SPATA6L: variants seen among roughly 807,000 people sequenced by gnomAD.
The protein encoded by SPATA6L is spermatogenesis associated 6 like, also known as spermatogenesis associated 6-like protein.
A neutral mutation model predicts 49.2 loss-of-function variants in SPATA6L; 68 were observed. The ratio of observed to expected loss-of-function variants is 1.38; its 90% CI spans 1.14 to 1.69. The LOEUF (loss-of-function observed/expected upper bound fraction) is 1.69. Among genes scored for constraint, SPATA6L ranks in the 40% most tolerant of loss-of-function variants. The probability of loss-of-function intolerance (pLI) is 0.00; values close to 1 mark genes in which losing one functional copy is unlikely to be tolerated. For synonymous variants in SPATA6L, 198 were observed against 165.7 expected, an observed-to-expected ratio of 1.19 and a Z score of -1.50; for missense variants, 668 against 464.3, an observed-to-expected ratio of 1.44 and a Z score of -4.03.
intron 9 of SPATA6L, 82 bp from the exon 10 acceptor site, chr9:4,605,522 T>C (rs1824566371): frequency 6.8e-6 from 6 of 887,774 alleles, no homozygotes; most frequent in Non-Finnish European, 1.1e-5. Context: ...TGGATTGATA[T>C]TTAAAACTTA....
At chr9:4,640,613 G>C (rs1236577668) in intron 3 of SPATA6L, among the ~76,000 whole-genome samples, 1 of 152,006 alleles carries the variant, frequency 6.6e-6, no homozygotes, top group East Asian at 1.9e-4. Context: ...CAGATCATGA[G>C]GGCTCACTGC....
chr9:4,644,150 C>T lies in SPATA6L; in HGVS notation c.227-8751G>A, dbSNP rs1442333147. ...TCACTTGCATCCAGGAGTTTGAGAC[C>T]AGCCTAGGCAACATAGTAAGATGCC... On this transcript the variant is annotated intron_variant, in intron 3 of 11. Coordinates refer to ENST00000682582, the MANE Select transcript of SPATA6L (RefSeq NM_001353486.2). Among the ~76,000 whole-genome samples, 6 of 123,208 alleles carry T rather than the reference C, an allele frequency of 4.9e-5. No homozygotes were observed. In the Admixed American group the frequency reaches 5.5e-4, roughly 11 times the overall value. 80.8% of individuals were successfully genotyped at this position (123,208 alleles called of 152,430 possible).
chr9:4,601,043 T>TG (rs1823113817), intron 11 of SPATA6L, among the ~76,000 whole-genome samples: 2 of 152,242 alleles, frequency 1.3e-5, no homozygotes, highest in South Asian at 4.1e-4. Context: ...ATCAGGATGA[T>TG]GACAGAGTAT....
intron 3 of SPATA6L, among the ~76,000 whole-genome samples, chr9:4,638,210 A>G (rs182482380): frequency 1.8e-3 from 267 of 152,180 alleles, no homozygotes; most frequent in African/African-American, 6.0e-3. Flanking sequence ...TGTAATTATT[A>G]TTATTATTAT....
chr9:4,606,280 C>G lies in SPATA6L; in HGVS notation c.996-840G>C, dbSNP rs1824978894. Among the ~76,000 whole-genome samples, 2 of 142,280 alleles carry G rather than the reference C, an allele frequency of 1.4e-5. 1 individual carries two copies. 93.3% of individuals were successfully genotyped at this position (142,280 alleles called of 152,430 possible). On this transcript the variant is annotated intron_variant, in intron 9 of 11. Coordinates refer to ENST00000682582, the MANE Select transcript of SPATA6L (RefSeq NM_001353486.2). ...TAAACAAAGCAGCCGGAAGCTCCAA[C>G]TGGGTGGAGCCCACCACAGCTCAAG...
At chr9:4,621,535 C>G (rs1414467986) in intron 7 of SPATA6L, among the ~76,000 whole-genome samples, 1 of 151,612 alleles carries the variant, frequency 6.6e-6, no homozygotes, top group African/African-American at 2.4e-5. Flanking sequence ...GTTGCCCAGG[C>G]TGAAGTGCAA....
intron 8 of SPATA6L, 68 bp from the exon 9 acceptor site, chr9:4,618,178 G>C: frequency 1.4e-6 from 2 of 1,410,982 alleles, no homozygotes; most frequent in East Asian, 2.4e-5. Flanking sequence ...GCTGGGGGTG[G>C]GGGTTGGACA....
intron 3 of SPATA6L, among the ~76,000 whole-genome samples, chr9:4,651,560 T>C (rs559927189): frequency 1.3e-5 from 2 of 152,280 alleles, no homozygotes; most frequent in South Asian, 4.2e-4. Context: ...TACAGACCAA[T>C]ATCTCTTATG....
In SPATA6L at chr9:4,662,264, C is replaced by G; in HGVS notation, c.40-228G>C. 5 of 1,434,010 alleles carry G rather than the reference C, an allele frequency of 3.5e-6. No individual in the cohort carries two copies. The highest frequency in any genetic ancestry group is 4.5e-6 in the Non-Finnish European group (5 of 1,099,432). The allele number at this position is 1,434,010 out of a possible 1,614,324, so 88.8% of individuals were successfully genotyped here. ...CCAGGTGTCACAATCGCGCTCTCGC[C>G]GGCTCCTCTCCCCGCCCCTCCGGGA... On this transcript the variant is annotated intron_variant, in intron 1 of 11. Transcript: ENST00000682582. This position sits in a 1 kb window ranked among gnomAD's most constrained non-coding sequence, Gnocchi z 4.9.
chr9:4,656,628 T>C (rs998489772), intron 2 of SPATA6L, among the ~76,000 whole-genome samples: 5 of 152,180 alleles, frequency 3.3e-5, no homozygotes, highest in Admixed American at 6.5e-5. Context: ...AAAGTGATTA[T>C]AGAATAAATG....
intron 9 of SPATA6L, among the ~76,000 whole-genome samples, chr9:4,609,595 AC>A (rs1202377153): frequency 3.3e-5 from 5 of 151,716 alleles, no homozygotes; most frequent in Non-Finnish European, 5.9e-5. Flanking sequence ...AAATTCAACA[AC>A]ACTTCATGCT....
intron 11 of SPATA6L, among the ~76,000 whole-genome samples, chr9:4,603,773 G>A (rs1823970032): frequency 6.6e-6 from 1 of 152,172 alleles, no homozygotes; most frequent in South Asian, 2.1e-4. Flanking sequence ...CACAGAGAGA[G>A]GGAGTGTCGT....
intron 3 of SPATA6L, among the ~76,000 whole-genome samples, chr9:4,638,970 G>A (rs1050451813): frequency 6.6e-6 from 1 of 151,964 alleles, no homozygotes; most frequent in Non-Finnish European, 1.5e-5. Flanking sequence ...GCAGGGTTGG[G>A]TTCAAATCCC....
chr9:4,607,161 C>T (rs1256079915), intron 9 of SPATA6L, among the ~76,000 whole-genome samples: 17 of 152,032 alleles, frequency 1.1e-4, no homozygotes, highest in East Asian at 7.7e-4. Context: ...ACCAAATCTA[C>T]GTCTGATTGG....
chr9:4,643,323 A>G (rs928043945), intron 3 of SPATA6L, among the ~76,000 whole-genome samples: 2 of 152,178 alleles, frequency 1.3e-5, no homozygotes, highest in East Asian at 1.9e-4. Context: ...AACAAATCCA[A>G]TTGACAGTAT....
At chr9:4,644,705 AC>A in intron 3 of SPATA6L, among the ~76,000 whole-genome samples, 1 of 151,778 alleles carries the variant, frequency 6.6e-6, no homozygotes. Context: ...ACACACACAC[AC>A]ACACACACAC....
At chr9:4,606,303 A>C (rs539273284) in intron 9 of SPATA6L, among the ~76,000 whole-genome samples, 6 of 143,498 alleles carry the variant, frequency 4.2e-5, no homozygotes, top group Non-Finnish European at 7.5e-5. Context: ...ACCACAGCTC[A>C]AGGAGGCCTG....
chr9:4,606,891 T>C (rs1825366731), intron 9 of SPATA6L, among the ~76,000 whole-genome samples: 1 of 142,068 alleles, frequency 7.0e-6, no homozygotes, highest in Non-Finnish European at 1.5e-5. Context: ...AGCTGAAAAC[T>C]TTGAAAAAAA....
intron 2 of SPATA6L, among the ~76,000 whole-genome samples, chr9:4,657,873 T>C (rs1411530968): frequency 6.6e-6 from 1 of 152,140 alleles, no homozygotes; most frequent in Non-Finnish European, 1.5e-5. Context: ...GACTCTAGTT[T>C]TACTGTTTAC....
Sources: gnomAD v4.1 joint callset for allele counts (sites outside exome capture counted in the v4.1 genomes callset) on GRCh38, gnomAD v4.1.1 for gene constraint, Gnocchi (gnomAD v3.1) non-coding constraint, MANE v1.5 for transcripts, NCBI Gene and HGNC (gene_info 2026-07-23, HGNC 2026-07-21) for gene names.